CFAP54: variants seen among roughly 807,000 people sequenced by gnomAD.
The protein encoded by CFAP54 is cilia- and flagella-associated protein 54.
In CFAP54, 290 loss-of-function variants were observed where a neutral mutation model predicts 370.4. That is an observed-to-expected ratio of 0.78 (90% confidence interval 0.71 to 0.86). The LOEUF (loss-of-function observed/expected upper bound fraction) is 0.86. Among genes scored for constraint, CFAP54 ranks in the 40% least tolerant of loss-of-function variants. CFAP54 has a pLI of 0.00. For missense variants in CFAP54, 3,399 were observed against 3,528.7 expected (o/e 0.96, Z 0.93); for synonymous variants, 1,206 against 1,236.5 (o/e 0.98, Z 0.52).
At chr12:96,713,760 G>A (rs1455131370) in intron 48 of CFAP54, among the ~76,000 whole-genome samples, 1 of 152,002 alleles carries the variant, frequency 6.6e-6, no homozygotes, top group African/African-American at 2.4e-5. Context: ...CTTGAGCACA[G>A]GTCTAAAAGA....
At chr12:96,698,234 C>G (rs1355773404) in intron 45 of CFAP54, among the ~76,000 whole-genome samples, 1 of 152,088 alleles carries the variant, frequency 6.6e-6, no homozygotes, top group African/African-American at 2.4e-5. Flanking sequence ...TAAGTAAGAA[C>G]TCCTTTTTCT....
At chr12:96,639,298 C>T (rs1488702952) in intron 32 of CFAP54, among the ~76,000 whole-genome samples, 1 of 152,204 alleles carries the variant, frequency 6.6e-6, no homozygotes, top group Non-Finnish European at 1.5e-5. Context: ...ATACTATAAA[C>T]ACCTCTATGC....
intron 40 of CFAP54, among the ~76,000 whole-genome samples, chr12:96,680,423 T>C (rs76516610): frequency 1.3e-5 from 2 of 152,186 alleles, no homozygotes; most frequent in African/African-American, 2.4e-5. Context: ...TTAAAATTTT[T>C]AAAAATCCTG....
chr12:96,604,133 G>A (rs1956275104), intron 26 of CFAP54, among the ~76,000 whole-genome samples: 1 of 152,158 alleles, frequency 6.6e-6, no homozygotes, highest in African/African-American at 2.4e-5. Context: ...CTACAAATGG[G>A]GTTTTGGTGT....
At chr12:96,837,021 C>T (rs1959188225) in intron 66 of CFAP54, among the ~76,000 whole-genome samples, 2 of 152,098 alleles carry the variant, frequency 1.3e-5, no homozygotes, top group African/African-American at 4.8e-5. Context: ...GAGGTCCCAT[C>T]GTGTTGCCCA....
chr12:96,524,187 C>T (rs1041719550), intron 8 of CFAP54, among the ~76,000 whole-genome samples: 9 of 152,026 alleles, frequency 5.9e-5, no homozygotes, highest in African/African-American at 2.2e-4. Context: ...TTTTAAAGGA[C>T]TACTAATTCA....
intron 65 of CFAP54, among the ~76,000 whole-genome samples, chr12:96,828,230 C>T (rs1161142168): frequency 6.6e-6 from 1 of 150,924 alleles, no homozygotes; most frequent in African/African-American, 2.4e-5. Context: ...TAACTCAAGT[C>T]ATTTAGGTTT....
intron 22 of CFAP54, among the ~76,000 whole-genome samples, chr12:96,585,874 A>G (rs1301115247): frequency 6.6e-6 from 1 of 152,116 alleles, no homozygotes; most frequent in East Asian, 1.9e-4. Context: ...CCCTTGTGTA[A>G]GCAATATACT....
intron 60 of CFAP54, among the ~76,000 whole-genome samples, chr12:96,768,700 CA>C (rs1349861067): frequency 2.6e-5 from 4 of 151,918 alleles, no homozygotes; most frequent in African/African-American, 9.7e-5. Flanking sequence ...AAAACAAAAA[CA>C]AAAACAAACA....
chr12:96,798,328 G>A (rs1251983443), intron 63 of CFAP54, among the ~76,000 whole-genome samples: 1 of 151,864 alleles, frequency 6.6e-6, no homozygotes, highest in Admixed American at 6.6e-5. Context: ...ATTTTTGATT[G>A]CCTGTACATG....
chr12:96,687,621 T>A (rs186522043), intron 42 of CFAP54, among the ~76,000 whole-genome samples: 1 of 152,316 alleles, frequency 6.6e-6, no homozygotes, highest in African/African-American at 2.4e-5. Context: ...CAGATTAGCA[T>A]CTTCAGTCAG....
intron 14 of CFAP54, among the ~76,000 whole-genome samples, chr12:96,545,316 CAGCAA>C (rs1240011044): frequency 6.6e-6 from 1 of 152,054 alleles, no homozygotes; most frequent in Non-Finnish European, 1.5e-5. Context: ...TTGATGGGTG[CAGCAA>C]ACCACCATGG....
At position 96,784,803 on chromosome 12, in the gene CFAP54, AC is replaced by A; in HGVS notation, c.8369del (p.Thr2790IlefsTer25). 6.5e-7 allele frequency: 1 copy of A among 1,534,772 alleles called. No homozygotes were observed. The highest frequency in any genetic ancestry group is 8.7e-7 in the Non-Finnish European group (1 of 1,145,958). On this transcript the variant is annotated frameshift_variant, in exon 61 of 68. Transcript: ENST00000524981. LOFTEE classifies it high-confidence loss of function. ...TGACAGCGCAGATGGTAGAAAAAAG[AC>A]TCAGACCAAAGTGGATATTACATGG... The part of the protein sequence containing the change: ...VCDSADGRKK[T>X]QTKVDITWIL...
intron 65 of CFAP54, among the ~76,000 whole-genome samples, chr12:96,821,603 G>C (rs1959035652): frequency 6.6e-6 from 1 of 151,542 alleles, no homozygotes; most frequent in Admixed American, 6.6e-5. Flanking sequence ...TATTCGTTTA[G>C]GTGAATTGGC....
In CFAP54 at chr12:96,631,411, A is replaced by G. The variant is rs542286107; in HGVS notation, c.4316+760A>G. 2.0e-5 allele frequency among the ~76,000 whole-genome samples: 3 copies of G among 151,978 alleles called. No homozygotes were observed. In the South Asian group the frequency reaches 6.2e-4, roughly 31 times the overall value. On this transcript the variant is annotated intron_variant, in intron 32 of 67. Coordinates refer to ENST00000524981, the MANE Select transcript of CFAP54 (RefSeq NM_001306084.2). ...TTATTATGCTGATGAGTGAATTCAT[A>G]TGTCAACCACATATGTATGTAGCCC... is the stretch of plus-strand genomic sequence containing the variant.
At chr12:96,718,387 A>G (rs1957709159) in intron 48 of CFAP54, 56 bp from the exon 49 acceptor site, 2 of 849,894 alleles carry the variant, frequency 2.4e-6, no homozygotes, top group East Asian at 5.0e-5. Flanking sequence ...CCTAGAATTA[A>G]TATTTAAACT....
intron 14 of CFAP54, among the ~76,000 whole-genome samples, chr12:96,544,955 A>G (rs1315798658): frequency 6.7e-6 from 1 of 149,430 alleles, no homozygotes; most frequent in Non-Finnish European, 1.5e-5. Flanking sequence ...TCTTTTACCC[A>G]GGCTAGAGTG....
chr12:96,844,847 C>T (rs779424659), intron 66 of CFAP54, among the ~76,000 whole-genome samples: 1 of 152,166 alleles, frequency 6.6e-6, no homozygotes, highest in African/African-American at 2.4e-5. Flanking sequence ...AACGCCCCTG[C>T]TCTGTGCAGC....
At chr12:96,522,037 G>C (rs1376370630) in intron 7 of CFAP54, 51 bp from the exon 8 acceptor site, 2 of 1,523,276 alleles carry the variant, frequency 1.3e-6, no homozygotes, top group African/African-American at 2.8e-5. Context: ...CTTAGTAGTT[G>C]GGAAGTGCAT....
Sources: gnomAD v4.1 joint callset for allele counts (sites outside exome capture counted in the v4.1 genomes callset) on GRCh38, gnomAD v4.1.1 for gene constraint, MANE v1.5 for transcripts, NCBI Gene and HGNC (gene_info 2026-07-23, HGNC 2026-07-21) for gene names.